PACRG: variants seen among roughly 807,000 people sequenced by gnomAD.
PACRG encodes the protein parkin coregulated, also known as parkin coregulated gene protein.
Under a neutral mutation model 29.7 loss-of-function variants are expected in PACRG, and 29 were observed. The ratio of observed to expected loss-of-function variants is 0.98; its 90% CI spans 0.73 to 1.33. The LOEUF is 1.33. Ranked by LOEUF, PACRG falls within the 40% of genes most tolerant of loss-of-function variation. The probability of loss-of-function intolerance (pLI) is 0.00; values close to 1 mark genes in which losing one functional copy is unlikely to be tolerated. For synonymous variants in PACRG, 116 were observed against 118.7 expected (o/e 0.98, Z 0.15); for missense variants, 279 against 316.2 (o/e 0.88, Z 0.89).
At position 163,134,297 on chromosome 6, in the gene PACRG, C is replaced by T. The variant is rs542323388; in HGVS notation, c.613+44889C>T. ...CATTCAAAGCAAGTTCTGGTTCAAA[C>T]GAAAAGTTTGGCGTCTCGGGGCTGT... On this transcript the variant is annotated intron_variant, in intron 4 of 4. Transcript: ENST00000366888. Among the ~76,000 whole-genome samples the T allele has an allele frequency of 3.3e-5, 5 of 152,266 alleles. No individual in the cohort carries two copies. The East Asian group carries it at 5.8e-4, about 18-fold the overall frequency.
intron 2 of PACRG, among the ~76,000 whole-genome samples, chr6:162,916,106 T>A (rs941584739): frequency 1.3e-5 from 2 of 152,168 alleles, no homozygotes; most frequent in East Asian, 1.9e-4. Flanking sequence ...TAATTTTTTT[T>A]AAATCTGGAA....
intron 4 of PACRG, among the ~76,000 whole-genome samples, chr6:163,267,519 G>A (rs150965062): frequency 3.2e-4 from 48 of 152,322 alleles, no homozygotes; most frequent in African/African-American, 1.0e-3. Context: ...AATGAAAAGC[G>A]TAAGTTATCA....
intron 2 of PACRG, among the ~76,000 whole-genome samples, chr6:162,918,255 A>G (rs529237922): frequency 1.3e-5 from 2 of 152,332 alleles, no homozygotes; most frequent in East Asian, 3.9e-4. Flanking sequence ...CCATTAGCTA[A>G]TACTAAATTA....
At chr6:163,235,234 A>G (rs546601485) in intron 4 of PACRG, among the ~76,000 whole-genome samples, 4 of 152,140 alleles carry the variant, frequency 2.6e-5, no homozygotes, top group African/African-American at 9.6e-5. Flanking sequence ...ATATCCCCAA[A>G]CCTGTCATAT....
chr6:162,984,831 T>C (rs1802740828), intron 2 of PACRG, among the ~76,000 whole-genome samples: 2 of 150,360 alleles, frequency 1.3e-5, no homozygotes, highest in African/African-American at 4.9e-5. Context: ...TCTATTCATG[T>C]CCTTAGCCCA....
At chr6:162,922,182 T>C in intron 2 of PACRG, among the ~76,000 whole-genome samples, 1 of 151,058 alleles carries the variant, frequency 6.6e-6, no homozygotes, top group East Asian at 1.9e-4. Flanking sequence ...GTAGGTTAAC[T>C]GCAGAGGGAG....
intron 4 of PACRG, among the ~76,000 whole-genome samples, chr6:163,274,781 T>C (rs573772027): frequency 1.1e-3 from 162 of 152,366 alleles, no homozygotes; most frequent in African/African-American, 3.8e-3. Flanking sequence ...GATGTAGAAG[T>C]TGTTTAAATA....
chr6:162,947,595 C>CATAT (rs59243050), intron 2 of PACRG, among the ~76,000 whole-genome samples: 24 of 27,982 alleles, frequency 8.6e-4, no homozygotes, highest in African/African-American at 1.4e-3. Context: ...TATATATAAT[C>CATAT]ATATATATAT....
At chr6:162,740,531 T>G (rs997207156) in intron 1 of PACRG, among the ~76,000 whole-genome samples, 6 of 151,392 alleles carry the variant, frequency 4.0e-5, no homozygotes, top group Non-Finnish European at 7.4e-5. Context: ...TTAGCCAGGA[T>G]GGTCTTGATC....
chr6:162,979,231 T>C (rs1208905965), intron 2 of PACRG, among the ~76,000 whole-genome samples: 1 of 152,088 alleles, frequency 6.6e-6, no homozygotes, highest in African/African-American at 2.4e-5. Context: ...CCTCCTGGGG[T>C]GAGGTGACAT....
At chr6:163,119,263 C>G (rs150304607) in intron 4 of PACRG, among the ~76,000 whole-genome samples, 1 of 152,222 alleles carries the variant, frequency 6.6e-6, no homozygotes, top group African/African-American at 2.4e-5. Context: ...ATGAGATATG[C>G]GAGCACGCTG....
chr6:163,101,801 C>G (rs1239149804), intron 4 of PACRG, among the ~76,000 whole-genome samples: 1 of 152,318 alleles, frequency 6.6e-6, no homozygotes, highest in East Asian at 1.9e-4. Flanking sequence ...TACACAAAGA[C>G]TAATGCACCA....
chr6:162,758,489 A>G (rs923707648), intron 1 of PACRG, among the ~76,000 whole-genome samples: 2 of 152,206 alleles, frequency 1.3e-5, no homozygotes, highest in African/African-American at 2.4e-5. Context: ...ACCAGTTGCC[A>G]TATGACTACT....
intron 1 of PACRG, among the ~76,000 whole-genome samples, chr6:162,747,172 C>G (rs138116897): frequency 6.6e-5 from 10 of 150,874 alleles, no homozygotes; most frequent in Non-Finnish European, 1.2e-4. Context: ...GCTGCCAGCA[C>G]GGCTAGAATA....
intron 1 of PACRG, among the ~76,000 whole-genome samples, chr6:162,752,035 C>T (rs1420202249): frequency 6.6e-6 from 1 of 152,110 alleles, no homozygotes; most frequent in Non-Finnish European, 1.5e-5. Flanking sequence ...AGGGAAAAAA[C>T]ATGAAGTATG....
At chr6:163,163,432 C>T (rs555738447) in intron 4 of PACRG, among the ~76,000 whole-genome samples, 15 of 152,184 alleles carry the variant, frequency 9.9e-5, no homozygotes, top group South Asian at 8.3e-4. Context: ...CCACCACGCC[C>T]GACTAATTTT....
chr6:163,002,776 G>A (rs746921373), intron 2 of PACRG, among the ~76,000 whole-genome samples: 8 of 152,116 alleles, frequency 5.3e-5, no homozygotes, highest in Non-Finnish European at 1.0e-4. Flanking sequence ...GTGTTTTCTT[G>A]CATTCAAACT....
chr6:163,273,135 C>T (rs966656247), intron 4 of PACRG, among the ~76,000 whole-genome samples: 6 of 146,294 alleles, frequency 4.1e-5, no homozygotes, highest in Admixed American at 6.6e-5. Context: ...CCTCGTGATC[C>T]GCCCGCCTCG....
chr6:163,078,980 G>C (rs894558757), intron 3 of PACRG, among the ~76,000 whole-genome samples: 1 of 152,154 alleles, frequency 6.6e-6, no homozygotes, highest in Admixed American at 6.5e-5. Context: ...GGTACGCTGG[G>C]AGGGTGAGGG....
Sources: allele counts gnomAD v4.1 joint callset (sites outside exome capture counted in the v4.1 genomes callset), GRCh38; gene constraint gnomAD v4.1.1; transcripts MANE v1.5; gene names NCBI Gene and HGNC (gene_info 2026-07-23, HGNC 2026-07-21).